Variants in RBMS3 observed in about 807,000 individuals in gnomAD.
RBMS3 encodes RNA binding motif single stranded interacting protein 3, also known as RNA-binding motif, single-stranded-interacting protein 3.
Under a neutral mutation model 66.8 loss-of-function variants are expected in RBMS3, and 27 were observed. The ratio of observed to expected loss-of-function variants is 0.40; its 90% CI spans 0.30 to 0.56. RBMS3 has a LOEUF of 0.56. Among genes scored for constraint, RBMS3 ranks in the 20% least tolerant of loss-of-function variants. RBMS3 has a pLI of 0.40. For missense variants in RBMS3, 513 were observed against 549.5 expected (o/e 0.93, Z 0.66); for synonymous variants, 188 against 183.0 (o/e 1.03, Z -0.22).
intron 4 of RBMS3, among the ~76,000 whole-genome samples, chr3:29,729,312 A>T (rs569387734): frequency 6.6e-6 from 1 of 152,164 alleles, no homozygotes; most frequent in African/African-American, 2.4e-5. Context: ...TGAAAAGGAC[A>T]TGAACTCATC....
chr3:29,490,331 A>G (rs2043495264), intron 3 of RBMS3, among the ~76,000 whole-genome samples: 1 of 152,130 alleles, frequency 6.6e-6, no homozygotes. Context: ...GAAATTAGAA[A>G]AAAATCAGCT....
At chr3:29,804,956 T>TGG in intron 6 of RBMS3, among the ~76,000 whole-genome samples, 1 of 145,236 alleles carries the variant, frequency 6.9e-6, no homozygotes, top group Admixed American at 7.0e-5. Context: ...TGTGTGTGTG[T>TGG]GGCAAAATTC....
chr3:29,602,195 C>T (rs1181071935), intron 4 of RBMS3, among the ~76,000 whole-genome samples: 1 of 151,952 alleles, frequency 6.6e-6, no homozygotes, highest in Non-Finnish European at 1.5e-5. Flanking sequence ...TACACATTTT[C>T]CTTCACTTGA....
chr3:29,315,291 GA>G (rs1347346129), intron 1 of RBMS3, among the ~76,000 whole-genome samples: 2 of 150,984 alleles, frequency 1.3e-5, no homozygotes, highest in East Asian at 2.0e-4. Context: ...TATTCTAGTT[GA>G]AAAAAACCCA....
chr3:29,742,648 A>AT (rs2054697194), intron 5 of RBMS3, among the ~76,000 whole-genome samples: 1 of 152,200 alleles, frequency 6.6e-6, no homozygotes, highest in Admixed American at 6.5e-5. Flanking sequence ...TTTCTTTCAA[A>AT]TAAAATATAT....
intron 6 of RBMS3, among the ~76,000 whole-genome samples, chr3:29,859,942 GCATAGGGCA>G (rs2059173013): frequency 6.6e-6 from 1 of 152,042 alleles, no homozygotes; most frequent in Non-Finnish European, 1.5e-5. Context: ...AGTCTATCAT[GCATAGGGCA>G]CATGTGGAAA....
At chr3:29,808,037 T>G (rs2149453185) in intron 6 of RBMS3, among the ~76,000 whole-genome samples, 1 of 152,018 alleles carries the variant, frequency 6.6e-6, no homozygotes, top group Non-Finnish European at 1.5e-5. Flanking sequence ...ATTGGGTGGA[T>G]TACTTCTCCA....
At chr3:29,862,668 C>T (rs1352111548) in intron 6 of RBMS3, among the ~76,000 whole-genome samples, 3 of 151,828 alleles carry the variant, frequency 2.0e-5, no homozygotes, top group Admixed American at 6.6e-5. Context: ...CAGGGAGGAA[C>T]TGCCCTTAGA....
intron 2 of RBMS3, among the ~76,000 whole-genome samples, chr3:29,468,424 C>T (rs1011700186): frequency 1.3e-5 from 2 of 152,096 alleles, no homozygotes; most frequent in African/African-American, 4.8e-5. Context: ...CTTAGAAAAA[C>T]ATCATGTGGC....
rs1188775812 is a variant in RBMS3, at chr3:29,991,116, C to T, written c.1214C>T (p.Ala405Val). ...GCTGATACCTCTCCCCAGACAGTGG[C>T]ACCTTCATCCCAGGACACCAGTGGT... ...VVADTSPQTV[A>V]PSSQDTSGQQ... Residue 405 changes from alanine to valine, a missense_variant, in exon 14 of 15, where the codon GCA (alanine) becomes GTA (valine). Transcript: ENST00000383767. The T allele has an allele frequency of 1.9e-6, 3 of 1,614,016 alleles. 1 individual carries two copies. Among genetic ancestry groups the T allele is most frequent in the Non-Finnish European group, 2.5e-6 (3 of 1,180,032 alleles).
chr3:29,445,412 C>CA lies in RBMS3; in HGVS notation c.248+10509dup, dbSNP rs11331510. Reference sequence around the variant, plus strand: ...TACTCACTCAATATTGCTGCTGAGACAAAAAAAAAAAACTGTTTATTTTTG... The same window carrying CA: ...TACTCACTCAATATTGCTGCTGAGACAAAAAAAAAAAAACTGTTTATTTTTG... On this transcript the variant is annotated intron_variant, in intron 2 of 14. Coordinates refer to ENST00000383767, the MANE Select transcript of RBMS3 (RefSeq NM_001003793.3). Among the ~76,000 whole-genome samples, 235 of 146,504 alleles carry CA rather than the reference C, an allele frequency of 1.6e-3. 2 individuals carry two copies. Among genetic ancestry groups the CA allele is most frequent in the African/African-American group, 1.8e-3 (74 of 40,300 alleles).
chr3:29,842,776 C>T (rs546124485), intron 6 of RBMS3, among the ~76,000 whole-genome samples: 1 of 152,218 alleles, frequency 6.6e-6, no homozygotes, highest in Non-Finnish European at 1.5e-5. Flanking sequence ...TCAGAGTTAG[C>T]AGTAGATGTG....
rs1379171725 is a variant in RBMS3, at chr3:29,880,737, A to T, written c.745-3425A>T. On this transcript the variant is annotated intron_variant, in intron 7 of 14. Transcript: ENST00000383767. ...TTGTTACCCACAATGTTCCAAATGCATATGACCTGACACTATCTCTTGTTG... is the reference window on the plus strand; with the variant it reads ...TTGTTACCCACAATGTTCCAAATGCTTATGACCTGACACTATCTCTTGTTG... 2.6e-6 allele frequency: 4 copies of T among 1,518,004 alleles called. No individual in the cohort carries two copies. The South Asian group carries it at 3.6e-5, about 14-fold the overall frequency. The allele number at this position is 1,518,004 out of a possible 1,614,324, so 94.0% of individuals were successfully genotyped here. A position where few individuals can be genotyped will look rare whatever the true frequency, so the allele number is the denominator to read the frequency against.
chr3:29,360,625 CT>C (rs1201458316), intron 1 of RBMS3, among the ~76,000 whole-genome samples: 3 of 152,064 alleles, frequency 2.0e-5, no homozygotes, highest in East Asian at 3.9e-4. Context: ...TCTCATTGAT[CT>C]GTCTAATGTT....
In RBMS3 at chr3:29,547,535, A is replaced by G. The variant is rs909397624; in HGVS notation, c.308-39579A>G. 8.5e-5 allele frequency among the ~76,000 whole-genome samples: 13 copies of G among 152,176 alleles called. No individual in the cohort carries two copies. In the East Asian group the frequency reaches 1.9e-3, roughly 23 times the overall value. ...CATTAGGAAAGACAAGAGGAAAGAA[A>G]ATGGAAGTATCCAATCCTTAATAGT... On this transcript the variant is annotated intron_variant, in intron 3 of 14. Coordinates refer to ENST00000383767, the MANE Select transcript of RBMS3 (RefSeq NM_001003793.3).
At chr3:29,325,147 T>C (rs866334583) in intron 1 of RBMS3, among the ~76,000 whole-genome samples, 2 of 152,168 alleles carry the variant, frequency 1.3e-5, no homozygotes, top group South Asian at 4.1e-4. Context: ...ACTCTATGTA[T>C]TAAGTTGTAA....
rs549271886 is a variant in RBMS3 at position 29,904,845 on chromosome 3, C to T, written c.939+5090C>T. On this transcript the variant is annotated intron_variant, in intron 10 of 14. Transcript: ENST00000383767. ...TTGACTAATTTTGTTTTCTTTATCT[C>T]TGAACTTCAAGTTGGTTTGCTTTGC... is the stretch of plus-strand genomic sequence containing the variant. Among the ~76,000 whole-genome samples the T allele has an allele frequency of 3.3e-5, 5 of 151,972 alleles. No individual in the cohort carries two copies. In the South Asian group the frequency reaches 1.0e-3, roughly 32 times the overall value.
At chr3:29,989,676 G>A (rs1698690437) in intron 13 of RBMS3, among the ~76,000 whole-genome samples, 1 of 152,178 alleles carries the variant, frequency 6.6e-6, no homozygotes, top group African/African-American at 2.4e-5. Flanking sequence ...TGGAAATCAA[G>A]GAGTTCCAAT....
chr3:29,311,170 C>T (rs2034350232), intron 1 of RBMS3, among the ~76,000 whole-genome samples: 1 of 151,752 alleles, frequency 6.6e-6, no homozygotes. Flanking sequence ...CAAAGCTAGA[C>T]ATTATCTTTT....
Sources: gnomAD v4.1 joint callset for allele counts (sites outside exome capture counted in the v4.1 genomes callset) on GRCh38, gnomAD v4.1.1 for gene constraint, MANE v1.5 for transcripts, NCBI Gene and HGNC (gene_info 2026-07-23, HGNC 2026-07-21) for gene names.